The following GLP2R variants were observed in gnomAD, a reference collection of about 807,000 sequenced individuals.
GLP2R encodes the protein glucagon like peptide 2 receptor, also known as glucagon-like peptide 2 receptor.
GLP2R carries 59 observed loss-of-function variants against 68.2 expected under a neutral mutation model. That is an observed-to-expected ratio of 0.87 (90% CI 0.70 to 1.07). GLP2R has a LOEUF of 1.07. GLP2R is among the 50% of genes least tolerant of loss of function. GLP2R has a pLI of 0.00. For missense variants in GLP2R, 548 were observed against 677.4 expected (o/e 0.81, Z 2.12); for synonymous variants, 270 against 265.4 (o/e 1.02, Z -0.17).
At chr17:9,832,942 T>C (rs2066693712) in intron 1 of GLP2R, among the ~76,000 whole-genome samples, 1 of 152,022 alleles carries the variant, frequency 6.6e-6, no homozygotes, top group Admixed American at 6.6e-5. Context: ...CTCTTTGTAC[T>C]GAACCCACTT....
chr17:9,860,932 T>TC (rs1313629895), intron 7 of GLP2R, among the ~76,000 whole-genome samples: 1 of 152,106 alleles, frequency 6.6e-6, no homozygotes, highest in Admixed American at 6.5e-5. Context: ...CCAGTCGCTT[T>TC]CCCCCTCTGG....
At chr17:9,843,273 A>G (rs1313573398) in intron 4 of GLP2R, among the ~76,000 whole-genome samples, 1 of 152,228 alleles carries the variant, frequency 6.6e-6, no homozygotes, top group African/African-American at 2.4e-5. Flanking sequence ...GGGATTTTCC[A>G]CAGCTCTGTG....
Position 9,861,189 on chromosome 17 carries a change from G to A in GLP2R, c.976G>A (p.Glu326Lys). Residue 326 changes from glutamate (E) to lysine (K), a missense_variant, in exon 8 of 13, where the codon GAG (glutamate) becomes AAG (lysine). By Grantham distance (56) the Glu-to-Lys change is moderately conservative. Coordinates refer to ENST00000262441, the MANE Select transcript of GLP2R (RefSeq NM_004246.3). ...VPWGFARAHL[E>K]NTGCWTTNGN... The stretch of plus-strand genomic sequence containing the variant: ...CTGGGGTTTCGCCCGTGCACACCTG[G>A]AGAACACAGGGTAGGTAATTCACCA... 6.2e-7 allele frequency: 1 copy of A among 1,610,206 alleles called. No homozygotes were observed. Among genetic ancestry groups the A allele is most frequent in the Non-Finnish European group, 8.5e-7 (1 of 1,176,684 alleles).
intron 1 of GLP2R, among the ~76,000 whole-genome samples, chr17:9,830,525 T>C (rs1326713137): frequency 6.6e-6 from 1 of 152,228 alleles, no homozygotes; most frequent in Non-Finnish European, 1.5e-5. Context: ...TCCAAACTCA[T>C]AGGAAACTGA....
chr17:9,826,550 G>A (rs919661390), intron 1 of GLP2R, among the ~76,000 whole-genome samples: 1 of 151,930 alleles, frequency 6.6e-6, no homozygotes, highest in African/African-American at 2.4e-5. Flanking sequence ...ATTTCCCCAC[G>A]TCAATGTGAG....
At chr17:9,832,047 G>A (rs1157821295) in intron 1 of GLP2R, among the ~76,000 whole-genome samples, 1 of 152,178 alleles carries the variant, frequency 6.6e-6, no homozygotes, top group Non-Finnish European at 1.5e-5. Flanking sequence ...TAGGGGCTGT[G>A]TCTCGCTCAT....
At chr17:9,879,638 G>C (rs2067176628) in intron 10 of GLP2R, among the ~76,000 whole-genome samples, 1 of 152,218 alleles carries the variant, frequency 6.6e-6, no homozygotes, top group Admixed American at 6.5e-5. Context: ...GGAACCACCA[G>C]TATGCAACAT....
intron 11 of GLP2R, among the ~76,000 whole-genome samples, chr17:9,887,650 A>G (rs570577541): frequency 6.6e-5 from 10 of 152,370 alleles, no homozygotes; most frequent in African/African-American, 2.4e-4. Flanking sequence ...GGGTTTAATC[A>G]TCATTGACCC....
chr17:9,846,712 A>G (rs1305956629), intron 4 of GLP2R, among the ~76,000 whole-genome samples: 1 of 152,250 alleles, frequency 6.6e-6, no homozygotes, highest in Non-Finnish European at 1.5e-5. Flanking sequence ...ACTTTGGTGT[A>G]TGTTTGAAAT....
chr17:9,866,019 C>T (rs1330145757), intron 9 of GLP2R: 1 of 428,194 alleles, frequency 2.3e-6, no homozygotes, highest in Non-Finnish European at 4.8e-6. Context: ...AACCTGCTGC[C>T]CTCCCAATCT....
At chr17:9,833,240 G>C (rs750397321) in intron 1 of GLP2R, among the ~76,000 whole-genome samples, 1 of 151,614 alleles carries the variant, frequency 6.6e-6, no homozygotes, top group East Asian at 1.9e-4. Flanking sequence ...CTCCAGCCTG[G>C]TAACAGATTA....
intron 3 of GLP2R, among the ~76,000 whole-genome samples, chr17:9,840,454 C>G (rs1263710993): frequency 6.6e-6 from 1 of 152,240 alleles, no homozygotes; most frequent in East Asian, 1.9e-4. Flanking sequence ...TTACCATTCA[C>G]TCATTCAACT....
chr17:9,841,312 G>A (rs1354409262), intron 3 of GLP2R, among the ~76,000 whole-genome samples: 2 of 151,962 alleles, frequency 1.3e-5, no homozygotes, highest in Non-Finnish European at 2.9e-5. Context: ...ACAGGCGTGA[G>A]CCACCACGCC....
intron 10 of GLP2R, among the ~76,000 whole-genome samples, chr17:9,871,721 CTTTTTTT>C (rs372099240): frequency 1.3e-4 from 13 of 102,310 alleles, no homozygotes; most frequent in South Asian, 6.7e-4. Context: ...TACTTTCTTT[CTTTTTTT>C]TTTTTTTTTT....
chr17:9,889,321 T>G (rs1401113069), intron 12 of GLP2R, 49 bp from the exon 13 acceptor site: 1 of 1,301,022 alleles, frequency 7.7e-7, no homozygotes, highest in Non-Finnish European at 1.1e-6. Flanking sequence ...AATGGACACA[T>G]GGCTAAATGA....
intron 10 of GLP2R, among the ~76,000 whole-genome samples, chr17:9,875,412 G>T (rs1054767879): frequency 6.6e-6 from 1 of 152,186 alleles, no homozygotes; most frequent in African/African-American, 2.4e-5. Context: ...CCAAACTCTT[G>T]TAGGTACAGG....
intron 11 of GLP2R, among the ~76,000 whole-genome samples, chr17:9,884,820 T>C (rs1411807583): frequency 6.6e-6 from 1 of 152,218 alleles, no homozygotes; most frequent in Non-Finnish European, 1.5e-5. Flanking sequence ...GGTTTAGTAA[T>C]TTGGAATTTT....
intron 12 of GLP2R, 82 bp downstream of exon 12, chr17:9,888,055 G>C (rs1273185203): frequency 3.1e-6 from 3 of 965,164 alleles, no homozygotes; most frequent in Admixed American, 1.7e-5. Context: ...TCTGTGGATG[G>C]GATGATGCTA....
At chr17:9,864,486 T>TG (rs773238057) in intron 9 of GLP2R, among the ~76,000 whole-genome samples, 114 of 150,032 alleles carry the variant, frequency 7.6e-4, no homozygotes, top group Middle Eastern at 3.5e-3. Flanking sequence ...TTTTCTGTTT[T>TG]TTTGTTTGTT....
Sources: allele counts gnomAD v4.1 joint callset (sites outside exome capture counted in the v4.1 genomes callset), GRCh38; gene constraint gnomAD v4.1.1; transcripts MANE v1.5; gene names NCBI Gene and HGNC (gene_info 2026-07-23, HGNC 2026-07-21).